The following FBXL2 variants were observed in gnomAD, a reference collection of about 807,000 sequenced individuals.
The protein encoded by FBXL2 is F-box/LRR-repeat protein 2.
In FBXL2, 38 loss-of-function variants were observed where a neutral mutation model predicts 69.2. The observed-to-expected ratio is 0.55, with a 90% confidence interval of 0.42 to 0.72. FBXL2 has a LOEUF of 0.72. Ranked by LOEUF, FBXL2 falls within the 30% of genes least tolerant of loss-of-function variation. The pLI, the probability that FBXL2 is intolerant of heterozygous loss-of-function variation, is 0.00. For missense variants in FBXL2, 354 were observed against 520.3 expected (o/e 0.68, Z 3.11); for synonymous variants, 192 against 201.3 (o/e 0.95, Z 0.39).
upstream of FBXL2, chr3:33,277,378 C>G (rs1466631271): frequency 1.0e-6 from 1 of 977,548 alleles, no homozygotes; most frequent in Non-Finnish European, 1.3e-6. Context: ...GGGTCACGTG[C>G]TCGCCGACCA....
intron 2 of FBXL2, among the ~76,000 whole-genome samples, chr3:33,321,730 A>G (rs1270414142): frequency 6.6e-6 from 1 of 152,190 alleles, no homozygotes. Context: ...TGTTGCTCCT[A>G]GGCTACACAC....
chr3:33,348,707 A>C (rs2154035036), intron 2 of FBXL2, among the ~76,000 whole-genome samples: 1 of 152,210 alleles, frequency 6.6e-6, no homozygotes, highest in South Asian at 2.1e-4. Flanking sequence ...ACAACAACAA[A>C]ACAAAACAAT....
chr3:33,292,742 A>AT (rs1222725106), intron 1 of FBXL2, among the ~76,000 whole-genome samples: 2 of 152,090 alleles, frequency 1.3e-5, no homozygotes, highest in East Asian at 3.9e-4. Flanking sequence ...TAAAAAAAAA[A>AT]CAAGCAAAAA....
At chr3:33,381,713 G>GT (rs903729229) in intron 13 of FBXL2, among the ~76,000 whole-genome samples, 1 of 149,394 alleles carries the variant, frequency 6.7e-6, no homozygotes, top group African/African-American at 2.5e-5. Flanking sequence ...CCATTTTATT[G>GT]TAAGTAATCA....
At chr3:33,369,647 C>G (rs1333136576) in intron 5 of FBXL2, among the ~76,000 whole-genome samples, 4 of 152,064 alleles carry the variant, frequency 2.6e-5, no homozygotes, top group Non-Finnish European at 4.4e-5. Flanking sequence ...TAGTCTCACT[C>G]TGTCACCCAG....
downstream of FBXL2, among the ~76,000 whole-genome samples, chr3:33,407,029 T>C (rs1484372520): frequency 6.6e-6 from 1 of 152,226 alleles, no homozygotes; most frequent in Non-Finnish European, 1.5e-5. Flanking sequence ...CTCTATGAAA[T>C]GTTGGCCTTC....
chr3:33,321,956 A>T (rs4678534), intron 2 of FBXL2, among the ~76,000 whole-genome samples: 11,682 of 151,872 alleles, frequency 0.077, 519 homozygotes, highest in Admixed American at 0.098. Context: ...TTCAGAAAAC[A>T]GTTTGTCACT....
chr3:33,337,982 A>G (rs1337642828), intron 2 of FBXL2, among the ~76,000 whole-genome samples: 1 of 152,256 alleles, frequency 6.6e-6, no homozygotes, highest in Non-Finnish European at 1.5e-5. Flanking sequence ...AAACAAAAAA[A>G]CATTTCATGC....
At position 33,297,863 on chromosome 3, in the gene FBXL2, T is replaced by G. The variant is rs1439439787; in HGVS notation, c.65+138T>G. 5 of 684,660 alleles carry G rather than the reference T, an allele frequency of 7.3e-6. No individual in the cohort carries two copies. In the South Asian group the frequency reaches 7.9e-5, roughly 11 times the overall value. The allele number at this position is 684,660 out of a possible 1,614,324, so 42.4% of individuals were successfully genotyped here. ...GCCTAACTGACTTTTTGTTTTTGTT[T>G]TATAGAATGCTGTTCAGCTTGTTGT... On this transcript the variant is annotated intron_variant, in intron 2 of 14. Transcript: ENST00000484457.
At chr3:33,354,165 G>A (rs192552659) in intron 2 of FBXL2, among the ~76,000 whole-genome samples, 1 of 152,220 alleles carries the variant, frequency 6.6e-6, no homozygotes, top group Non-Finnish European at 1.5e-5. Context: ...AACTATGTGT[G>A]TCTGTTGGTG....
At chr3:33,402,534 A>G (rs541838709) in intron 12 of FBXL2, among the ~76,000 whole-genome samples, 15 of 152,300 alleles carry the variant, frequency 9.8e-5, no homozygotes, top group Middle Eastern at 6.8e-3. Context: ...TACAAAGAAT[A>G]TATCTTGGCT....
intron 2 of FBXL2, among the ~76,000 whole-genome samples, chr3:33,314,996 C>A (rs573220096): frequency 2.0e-5 from 3 of 152,220 alleles, no homozygotes; most frequent in South Asian, 2.1e-4. Context: ...GCTAGTTTAG[C>A]TTGCACTGCA....
At chr3:33,299,027 TTTTA>T (rs61556987) in intron 2 of FBXL2, among the ~76,000 whole-genome samples, 3 of 146,086 alleles carry the variant, frequency 2.1e-5, no homozygotes, top group Non-Finnish European at 3.0e-5. Flanking sequence ...ATTTTTTTAA[TTTTA>T]TTTATTTATT....
intron 1 of FBXL2, among the ~76,000 whole-genome samples, chr3:33,288,398 G>A (rs550673967): frequency 2.1e-4 from 32 of 152,280 alleles, no homozygotes; most frequent in African/African-American, 7.5e-4. Flanking sequence ...CAGGGAGACA[G>A]ATAATAAACA....
intron 13 of FBXL2, among the ~76,000 whole-genome samples, chr3:33,381,646 TAAAAAA>T (rs60891737): frequency 6.7e-6 from 1 of 149,174 alleles, no homozygotes; most frequent in African/African-American, 2.5e-5. Flanking sequence ...AATAAAAATT[TAAAAAA>T]AAAAGAAAAT....
At chr3:33,331,462 G>T (rs189619530) in intron 2 of FBXL2, among the ~76,000 whole-genome samples, 1 of 152,080 alleles carries the variant, frequency 6.6e-6, no homozygotes, top group Non-Finnish European at 1.5e-5. Context: ...CCCTGGAAAG[G>T]CTCCCTCCCC....
At chr3:33,416,995 T>C in the FBXL2 span, among the ~76,000 whole-genome samples, 1 of 152,208 alleles carries the variant, frequency 6.6e-6, no homozygotes, top group Non-Finnish European at 1.5e-5. Flanking sequence ...TCCCTGAAAA[T>C]CACACCAACC....
At chr3:33,373,398 T>A in intron 7 of FBXL2, 43 bp downstream of exon 7, 2 of 1,550,298 alleles carry the variant, frequency 1.3e-6, no homozygotes, top group Non-Finnish European at 8.9e-7. Context: ...TACCCAAAGC[T>A]ATGAACATTC....
At chr3:33,331,474 T>C (rs902893228) in intron 2 of FBXL2, among the ~76,000 whole-genome samples, 18 of 152,228 alleles carry the variant, frequency 1.2e-4, no homozygotes, top group African/African-American at 4.3e-4. Context: ...TCCCTCCCCC[T>C]GTTCTTCTTA....
Sources: gnomAD v4.1 joint callset for allele counts (sites outside exome capture counted in the v4.1 genomes callset) on GRCh38, gnomAD v4.1.1 for gene constraint, MANE v1.5 for transcripts, NCBI Gene and HGNC (gene_info 2026-07-23, HGNC 2026-07-21) for gene names.